GULP1: variants seen among roughly 807,000 people sequenced by gnomAD.
GULP1 encodes GULP PTB domain containing engulfment adaptor 1, also known as PTB domain-containing engulfment adapter protein 1.
In GULP1, 19 loss-of-function variants were observed where a neutral mutation model predicts 40.9. The ratio of observed to expected loss-of-function variants is 0.46; its 90% CI spans 0.32 to 0.68. GULP1 has a LOEUF of 0.68. Ranked by LOEUF, GULP1 falls within the 30% of genes least tolerant of loss-of-function variation. The pLI is 0.03. For synonymous variants in GULP1, 119 were observed against 117.6 expected (o/e 1.01, Z -0.08); for missense variants, 312 against 362.2 (o/e 0.86, Z 1.12).
In GULP1 at chr2:188,343,292, A is replaced by G. The variant is rs182035416; in HGVS notation, c.-171-40471A>G. Among the ~76,000 whole-genome samples the G allele has an allele frequency of 1.8e-4, 27 of 152,348 alleles. No individual in the cohort carries two copies. In the East Asian group the frequency reaches 5.0e-3, roughly 28 times the overall value. On this transcript the variant is annotated intron_variant, in intron 1 of 11. Transcript: ENST00000409830. ...GCAAATTTTGAAAGTGCTTTTAGAT[A>G]TAAAAATAAGAAAACCAAGAAGGAT... is the stretch of plus-strand genomic sequence containing the variant.
In GULP1 at chr2:188,595,093, T is replaced by G. The variant is rs1704243643; in HGVS notation, c.*1082T>G. ...AAAAAAAACCCAGTTACTGCTCAGT[T>G]TAGTCTTGAACATGAGCAATAAAAT... On this transcript the variant is annotated 3_prime_UTR_variant, in exon 12 of 12. Transcript: ENST00000409830. 1 of 151,496 alleles carries G rather than the reference T, an allele frequency of 6.6e-6. No individual in the cohort carries two copies. Among genetic ancestry groups the G allele is most frequent in the Non-Finnish European group, 1.5e-5 (1 of 67,670 alleles). The allele number at this position is 151,496 out of a possible 1,614,324, so 9.4% of individuals were successfully genotyped here.
chr2:188,519,844 G>C (rs1559336497), intron 4 of GULP1, among the ~76,000 whole-genome samples: 1 of 152,030 alleles, frequency 6.6e-6, no homozygotes, highest in Non-Finnish European at 1.5e-5. Context: ...GGGCCTCACT[G>C]TGTTGCTCAG....
At chr2:188,572,375 A>C (rs1559393424) in intron 9 of GULP1, among the ~76,000 whole-genome samples, 1 of 152,178 alleles carries the variant, frequency 6.6e-6, no homozygotes, top group Non-Finnish European at 1.5e-5. Context: ...TTTAACAATT[A>C]TTTTAGGCAT....
chr2:188,581,314 T>C (rs944839874), intron 9 of GULP1, among the ~76,000 whole-genome samples: 1 of 151,944 alleles, frequency 6.6e-6, no homozygotes. Flanking sequence ...TGTTCAGGAG[T>C]CCCTAAGTAA....
chr2:188,327,828 A>T (rs1029045119), intron 1 of GULP1, among the ~76,000 whole-genome samples: 1 of 152,110 alleles, frequency 6.6e-6, no homozygotes, highest in Non-Finnish European at 1.5e-5. Context: ...GTTGAAAATG[A>T]TGGAGCACTG....
chr2:188,521,196 T>G lies in GULP1; in HGVS notation c.91-1560T>G, dbSNP rs371798615. ...ATGAATTTAATGTTTGTTTGCCCTATATATAGAATTTTTTCTAGAATAAAA... is the reference window on the plus strand; with the variant it reads ...ATGAATTTAATGTTTGTTTGCCCTAGATATAGAATTTTTTCTAGAATAAAA... On this transcript the variant is annotated intron_variant, in intron 4 of 11. Transcript: ENST00000409830. Among the ~76,000 whole-genome samples the G allele has an allele frequency of 5.3e-5, 8 of 152,322 alleles. No homozygotes were observed. The East Asian group carries it at 1.4e-3, about 26-fold the overall frequency.
intron 2 of GULP1, among the ~76,000 whole-genome samples, chr2:188,461,130 G>A (rs1559267318): frequency 6.6e-6 from 1 of 151,926 alleles, no homozygotes; most frequent in Non-Finnish European, 1.5e-5. Flanking sequence ...TATTTATGAT[G>A]TGTCTTTGTC....
At chr2:188,406,580 A>T (rs2053138224) in intron 2 of GULP1, among the ~76,000 whole-genome samples, 1 of 152,190 alleles carries the variant, frequency 6.6e-6, no homozygotes, top group Admixed American at 6.5e-5. Context: ...GAAATAAAAA[A>T]TGCAATAGAG....
chr2:188,466,269 G>C lies in GULP1; in HGVS notation c.-44-11390G>C, dbSNP rs533370113. ...AGGGCACACTTTGTGGTTTTTATTT[G>C]ACCTCAGTGGCTGGTTTTTTTTTCC... On this transcript the variant is annotated intron_variant, in intron 2 of 11. Coordinates refer to ENST00000409830, the MANE Select transcript of GULP1 (RefSeq NM_016315.4). 7.5e-4 allele frequency among the ~76,000 whole-genome samples: 112 copies of C among 150,022 alleles called. 1 individual carries two copies. The highest frequency in any genetic ancestry group is 4.2e-3 in the Admixed American group (63 of 15,160).
At chr2:188,324,082 A>C (rs1559111626) in intron 1 of GULP1, among the ~76,000 whole-genome samples, 1 of 152,092 alleles carries the variant, frequency 6.6e-6, no homozygotes. Context: ...TTAGTGCTAG[A>C]TATATTTGTC....
chr2:188,512,575 A>G (rs2064701342), intron 4 of GULP1, among the ~76,000 whole-genome samples: 1 of 152,126 alleles, frequency 6.6e-6, no homozygotes, highest in East Asian at 1.9e-4. Context: ...AAACAGTCCT[A>G]CATTATTCAT....
intron 8 of GULP1, among the ~76,000 whole-genome samples, 167 bp from the exon 9 acceptor site, chr2:188,569,861 G>T (rs1001462111): frequency 1.3e-5 from 2 of 151,906 alleles, no homozygotes; most frequent in East Asian, 1.9e-4. Flanking sequence ...GTCTTTCAAT[G>T]ATCTAGAATC....
intron 2 of GULP1, among the ~76,000 whole-genome samples, chr2:188,471,716 A>G (rs937756297): frequency 1.3e-5 from 2 of 152,166 alleles, no homozygotes; most frequent in African/African-American, 4.8e-5. Flanking sequence ...TTCCATTTAT[A>G]TCTTATTGTA....
At chr2:188,472,108 T>C (rs1401140584) in intron 2 of GULP1, among the ~76,000 whole-genome samples, 1 of 152,202 alleles carries the variant, frequency 6.6e-6, no homozygotes, top group Non-Finnish European at 1.5e-5. Flanking sequence ...TCTTGGCCTG[T>C]AAGGTTTCCA....
chr2:188,327,845 T>A (rs368633646), intron 1 of GULP1, among the ~76,000 whole-genome samples: 36 of 152,264 alleles, frequency 2.4e-4, no homozygotes, highest in African/African-American at 7.9e-4. Flanking sequence ...ACTGACAATT[T>A]CACATGGCCA....
chr2:188,522,215 G>C (rs778693608), intron 4 of GULP1, among the ~76,000 whole-genome samples: 1 of 151,774 alleles, frequency 6.6e-6, no homozygotes, highest in Non-Finnish European at 1.5e-5. Context: ...CTACATGTTA[G>C]ATGAGTCTCA....
At chr2:188,457,951 CTATT>C (rs1318510347) in intron 2 of GULP1, among the ~76,000 whole-genome samples, 3 of 152,144 alleles carry the variant, frequency 2.0e-5, no homozygotes, top group Non-Finnish European at 4.4e-5. Flanking sequence ...ATTCACTCTT[CTATT>C]TGAGATGGCT....
chr2:188,424,965 A>G (rs80020561), intron 2 of GULP1, among the ~76,000 whole-genome samples: 6,741 of 152,074 alleles, frequency 0.044, 232 homozygotes, highest in East Asian at 0.14. Flanking sequence ...TCTATTTCAT[A>G]GTGGTAATGT....
At chr2:188,343,085 A>G (rs1024921483) in intron 1 of GULP1, among the ~76,000 whole-genome samples, 8 of 152,172 alleles carry the variant, frequency 5.3e-5, no homozygotes, top group Non-Finnish European at 8.8e-5. Flanking sequence ...GAGAAAAGAC[A>G]AAGACACACT....
Sources: gnomAD v4.1 joint callset for allele counts (sites outside exome capture counted in the v4.1 genomes callset) on GRCh38, gnomAD v4.1.1 for gene constraint, MANE v1.5 for transcripts, NCBI Gene and HGNC (gene_info 2026-07-23, HGNC 2026-07-21) for gene names.